Variants in GRIN2A observed in about 807,000 individuals in gnomAD.
GRIN2A encodes glutamate ionotropic receptor NMDA type subunit 2A, also known as glutamate receptor ionotropic, NMDA 2A.
In GRIN2A, 22 loss-of-function variants were observed where a neutral mutation model predicts 113.4. The observed-to-expected ratio is 0.19, with a 90% CI of 0.14 to 0.28. The LOEUF (loss-of-function observed/expected upper bound fraction) is 0.28. Among genes scored for constraint, GRIN2A ranks in the 10% least tolerant of loss-of-function variants. The pLI is 1.00. For synonymous variants in GRIN2A, 827 were observed against 738.4 expected, an observed-to-expected ratio of 1.12 and a Z score of -1.94; for missense variants, 1,502 against 1,887.0, an observed-to-expected ratio of 0.80 and a Z score of 3.78.
chr16:9,834,337 T>C (rs2042549805), intron 7 of GRIN2A, 107 bp from the exon 8 acceptor site: 3 of 1,022,838 alleles, frequency 2.9e-6, no homozygotes, highest in South Asian at 1.3e-5. Flanking sequence ...ATATTTTCTC[T>C]AATTTGAATC....
chr16:9,946,355 A>G (rs1164765750), intron 2 of GRIN2A, among the ~76,000 whole-genome samples: 1 of 152,176 alleles, frequency 6.6e-6, no homozygotes, highest in African/African-American at 2.4e-5. Flanking sequence ...GGGAAATCCT[A>G]CTGGACCAGA....
At chr16:9,928,533 C>A (rs1364738793) in intron 3 of GRIN2A, among the ~76,000 whole-genome samples, 1 of 152,080 alleles carries the variant, frequency 6.6e-6, no homozygotes, top group Non-Finnish European at 1.5e-5. Flanking sequence ...TTTCCCCCTG[C>A]CTGAACTATC....
At chr16:10,030,956 A>C (rs2046917310) in intron 2 of GRIN2A, among the ~76,000 whole-genome samples, 1 of 152,194 alleles carries the variant, frequency 6.6e-6, no homozygotes, top group Non-Finnish European at 1.5e-5. Flanking sequence ...TGTCTCATGC[A>C]CCATCTAGGG....
chr16:10,137,932 C>A (rs758209644), intron 2 of GRIN2A, among the ~76,000 whole-genome samples: 39 of 152,182 alleles, frequency 2.6e-4, no homozygotes, highest in Non-Finnish European at 4.7e-4. Flanking sequence ...GAGGGGCCAG[C>A]TCCTTGAGAT....
chr16:9,840,813 CAAAAAAAAAA>C lies in GRIN2A; in HGVS notation c.1498-23_1498-14del, dbSNP rs745951746. The C allele has an allele frequency of 3.6e-5, 39 of 1,085,628 alleles. No individual in the cohort carries two copies. In the East Asian group the frequency reaches 6.8e-4, roughly 19 times the overall value. The allele number at this position is 1,085,628 out of a possible 1,614,324, so 67.2% of individuals were successfully genotyped here. A position where few individuals can be genotyped will look rare whatever the true frequency, so the allele number is the denominator to read the frequency against. ...GTTGATAGACCACCTGGATGCAAGG[CAAAAAAAAAA>C]AAAAAAAAAAGAGAGAGAGAGAACA... On this transcript the variant is annotated splice_polypyrimidine_tract_variant and intron_variant, in intron 6 of 12. Transcript: ENST00000330684.
chr16:10,068,320 T>A (rs1321832027), intron 2 of GRIN2A, among the ~76,000 whole-genome samples: 17 of 152,192 alleles, frequency 1.1e-4, no homozygotes. Context: ...GAAAAGACGT[T>A]TAATTGGCTC....
intron 2 of GRIN2A, among the ~76,000 whole-genome samples, chr16:10,131,390 T>G (rs1213747961): frequency 1.3e-5 from 2 of 151,824 alleles, no homozygotes; most frequent in Non-Finnish European, 2.9e-5. Flanking sequence ...GGGGGGAAAT[T>G]CATCGGGAAG....
chr16:9,906,378 T>C (rs1193674912), intron 3 of GRIN2A, among the ~76,000 whole-genome samples: 1 of 152,220 alleles, frequency 6.6e-6, no homozygotes, highest in African/African-American at 2.4e-5. Context: ...CTTTTGTTCC[T>C]ACACCTCCCT....
chr16:9,934,139 G>A (rs2141617578), intron 3 of GRIN2A, among the ~76,000 whole-genome samples: 1 of 152,206 alleles, frequency 6.6e-6, no homozygotes, highest in Admixed American at 6.5e-5. Context: ...CCTTTGGCAG[G>A]TTTAGCTTTG....
intron 2 of GRIN2A, among the ~76,000 whole-genome samples, chr16:10,089,664 A>G (rs1302342765): frequency 6.6e-6 from 1 of 152,216 alleles, no homozygotes; most frequent in Non-Finnish European, 1.5e-5. Flanking sequence ...TCCTCTCAAT[A>G]TCTAACACTG....
intron 2 of GRIN2A, among the ~76,000 whole-genome samples, chr16:10,177,418 G>C (rs1309858787): frequency 6.6e-6 from 1 of 152,232 alleles, no homozygotes; most frequent in East Asian, 1.9e-4. Context: ...AGTTCCACCA[G>C]AATCACAGAG....
chr16:9,951,851 G>A (rs997165690), intron 2 of GRIN2A, among the ~76,000 whole-genome samples: 6 of 152,088 alleles, frequency 3.9e-5, no homozygotes, highest in Admixed American at 1.3e-4. Flanking sequence ...GGTTGCAGGC[G>A]AGAGCCCAAG....
intron 2 of GRIN2A, 21 bp downstream of exon 2, chr16:10,179,977 G>A (rs2142387058): frequency 6.2e-7 from 1 of 1,610,006 alleles, no homozygotes; most frequent in Non-Finnish European, 8.5e-7. Context: ...GTCCTGGCAG[G>A]GCATCAGTTT....
At chr16:9,899,049 C>T (rs1372527913) in intron 3 of GRIN2A, among the ~76,000 whole-genome samples, 1 of 152,056 alleles carries the variant, frequency 6.6e-6, no homozygotes, top group Admixed American at 6.6e-5. Flanking sequence ...TTCCTCTTTG[C>T]CCTGGTGCTC....
intron 2 of GRIN2A, among the ~76,000 whole-genome samples, chr16:9,970,120 A>G (rs2045641756): frequency 2.0e-5 from 3 of 152,214 alleles, no homozygotes; most frequent in Admixed American, 2.0e-4. Context: ...CTAATACAGA[A>G]AAAAGCAGCT....
chr16:9,963,082 G>A (rs35233671), intron 2 of GRIN2A, among the ~76,000 whole-genome samples: 1,942 of 140,238 alleles, frequency 0.014, 28 homozygotes, highest in African/African-American at 0.049. Flanking sequence ...GAGAACACAC[G>A]GACACAGGAA....
chr16:9,980,146 G>A (rs1042661190), intron 2 of GRIN2A, among the ~76,000 whole-genome samples: 2 of 151,710 alleles, frequency 1.3e-5, no homozygotes, highest in Admixed American at 6.6e-5. Context: ...GGTGGTGCAC[G>A]CCTGCAGTCA....
At chr16:10,091,910 G>A (rs557846010) in intron 2 of GRIN2A, among the ~76,000 whole-genome samples, 63 of 152,184 alleles carry the variant, frequency 4.1e-4, no homozygotes, top group Admixed American at 1.1e-3. Flanking sequence ...TTTTAGGGCT[G>A]GTGAAAATGT....
intron 2 of GRIN2A, among the ~76,000 whole-genome samples, chr16:10,062,934 C>T (rs9935354): frequency 0.11 from 16,525 of 151,780 alleles, 1,049 homozygotes; most frequent in African/African-American, 0.16. Context: ...CATATGTTCG[C>T]TGCAGCACTA....
Sources: allele counts gnomAD v4.1 joint callset (sites outside exome capture counted in the v4.1 genomes callset), GRCh38; gene constraint gnomAD v4.1.1; transcripts MANE v1.5; gene names NCBI Gene and HGNC (gene_info 2026-07-23, HGNC 2026-07-21).